Variants in SYN1 observed in about 807,000 individuals in gnomAD.
The protein encoded by SYN1 is synapsin I.
Under a neutral mutation model 44.6 loss-of-function variants are expected in SYN1, and 8 were observed. That is an observed-to-expected ratio of 0.18 (90% CI 0.11 to 0.32). The LOEUF (loss-of-function observed/expected upper bound fraction) is 0.32. Among genes scored for constraint, SYN1 ranks in the 10% least tolerant of loss-of-function variants. The pLI is 1.00. For missense variants in SYN1, 451 were observed against 639.4 expected, an observed-to-expected ratio of 0.71 and a Z score of 3.18; for synonymous variants, 275 against 280.1, an observed-to-expected ratio of 0.98 and a Z score of 0.18.
intron 5 of SYN1, chrX:47,585,800 G>C (rs2057822969): frequency 1.7e-6 from 2 of 1,155,920 alleles, no homozygotes; most frequent in Non-Finnish European, 2.3e-6. Flanking sequence ...GGCTGTCCCT[G>C]ATCTCTCTTG....
Position 47,619,756 on chromosome X carries a change from G to A in SYN1, c.-28C>T. The A allele has an allele frequency of 1.7e-6, 2 of 1,154,538 alleles. No homozygotes were observed. Among genetic ancestry groups the A allele is most frequent in the Non-Finnish European group, 2.3e-6 (2 of 865,038 alleles). On this transcript the variant is annotated 5_prime_UTR_variant, in exon 1 of 13. Transcript: ENST00000295987. ...CTGCGACTTGGGGCAGGGGGTCCTA[G>A]GGGTGGTCTGGCCAGGAGCCGCGGG...
intron 5 of SYN1, among the ~76,000 whole-genome samples, chrX:47,579,020 G>A (rs1442045668): frequency 1.8e-5 from 2 of 111,997 alleles, no homozygotes; most frequent in Non-Finnish European, 3.8e-5. Context: ...CCACCCAGGT[G>A]TGCGCACAGC....
At chrX:47,577,589 G>A (rs1330211963) in intron 5 of SYN1, 88 bp from the exon 6 acceptor site, 2 of 846,469 alleles carry the variant, frequency 2.4e-6, no homozygotes, top group African/African-American at 4.1e-5. Context: ...CCCAGCCAGT[G>A]GGAACTGCAT....
At chrX:47,605,888 T>C (rs1165894693) in intron 3 of SYN1, among the ~76,000 whole-genome samples, 2 of 110,305 alleles carry the variant, frequency 1.8e-5, no homozygotes, top group South Asian at 7.7e-4. Flanking sequence ...TAGTGCTATA[T>C]ATATATTTTT....
intron 5 of SYN1, among the ~76,000 whole-genome samples, chrX:47,578,829 C>A (rs1047810731): frequency 2.7e-5 from 3 of 111,382 alleles, no homozygotes; most frequent in African/African-American, 9.8e-5. Flanking sequence ...GCACAGGAAG[C>A]CCGCAGACTC....
chrX:47,579,849 G>GCCCCCCCCCCCC (rs140381513), intron 5 of SYN1, among the ~76,000 whole-genome samples: 54 of 83,150 alleles, frequency 6.5e-4, no homozygotes, highest in South Asian at 7.3e-4. Flanking sequence ...TGTTTTTGTC[G>GCCCCCCCCCCCC]CCCCCCCACC....
Position 47,574,546 on chromosome X carries a change from G to A in SYN1, c.1438C>T (p.Pro480Ser). The change falls in exon 12 of 13, where the codon CCA (proline) becomes TCA (serine). Residue 480 changes from proline to serine, a missense_variant. Physicochemically the swap from Pro to Ser is moderately conservative, Grantham distance 74 (BLOSUM62 -1). This residue lies in a region of SYN1 where 315 missense variants were observed against 451.4 expected (regional missense o/e 0.70). Transcript: ENST00000295987. The part of the protein sequence containing the change: ...PGPGPQRQGP[P>S]LQQRPPPQGQ... ...TGCGGGGGCGGGCGCTGCTGCAATG[G>A]GGGTCCCTGGCGCTGGGGGCCTGGA... 2 of 1,088,892 alleles carry A rather than the reference G, an allele frequency of 1.8e-6. No individual in the cohort carries two copies. The highest frequency in any genetic ancestry group is 2.4e-6 in the Non-Finnish European group (2 of 839,400). 89.7% of individuals were successfully genotyped at this position (1,088,892 alleles called of 1,213,427 possible).
chrX:47,590,458 C>T (rs896873040), intron 5 of SYN1, among the ~76,000 whole-genome samples: 3 of 112,021 alleles, frequency 2.7e-5, no homozygotes, highest in Non-Finnish European at 3.8e-5. Context: ...AACTTCAGCC[C>T]GTCACAGCAA....
chrX:47,608,305 G>GAAGA (rs1556860959), intron 1 of SYN1, among the ~76,000 whole-genome samples: 1 of 101,762 alleles, frequency 9.8e-6, no homozygotes, highest in Non-Finnish European at 2.0e-5. Context: ...AGGAAGGAAG[G>GAAGA]GGAAGGAAGG....
intron 5 of SYN1, among the ~76,000 whole-genome samples, chrX:47,597,598 GA>G (rs1038657727): frequency 1.8e-5 from 2 of 110,197 alleles, no homozygotes; most frequent in African/African-American, 3.3e-5. Context: ...AGAAAAGAGA[GA>G]AAAAAAGGTG....
intron 5 of SYN1, among the ~76,000 whole-genome samples, chrX:47,595,127 C>T (rs1351548951): frequency 8.9e-6 from 1 of 111,891 alleles, no homozygotes; most frequent in African/African-American, 3.2e-5. Flanking sequence ...GATAGCCGAA[C>T]ATGTGGGGTT....
chrX:47,574,118 C>A lies in SYN1; in HGVS notation c.1866G>T (p.Arg622=). ...GTCCAGCGGGGCCCGGGCCGCTGGG[C>A]CGAGGCTGCTGCGTGGTGGGTGGCC... The part of the protein sequence containing the change: ...RTGPPTTQQP[R]PSGPGPAGRP... The change falls in exon 12 of 13, where the codon CGG becomes CGT. Residue 622 remains arginine (R), a synonymous_variant. Transcript: ENST00000295987. 9.0e-7 allele frequency: 1 copy of A among 1,107,213 alleles called. No homozygotes were observed. The highest frequency in any genetic ancestry group is 3.0e-5 in the Admixed American group (1 of 33,397). The allele number at this position is 1,107,213 out of a possible 1,213,427, so 91.2% of individuals were successfully genotyped here.
At chrX:47,582,613 T>C (rs926620969) in intron 5 of SYN1, 6 of 359,491 alleles carry the variant, frequency 1.7e-5, no homozygotes, top group Non-Finnish European at 3.3e-5. Flanking sequence ...TGGGCTAGTC[T>C]AGGGGGAAGA....
At chrX:47,588,015 C>T (rs1298924363) in intron 5 of SYN1, among the ~76,000 whole-genome samples, 1 of 112,181 alleles carries the variant, frequency 8.9e-6, no homozygotes, top group Non-Finnish European at 1.9e-5. Context: ...GCACAGCCCC[C>T]TGGATCTTCT....
At chrX:47,616,179 C>A (rs939469209) in intron 1 of SYN1, among the ~76,000 whole-genome samples, 3 of 111,076 alleles carry the variant, frequency 2.7e-5, no homozygotes, top group African/African-American at 6.6e-5. Context: ...CTGAGCCTGG[C>A]GTACATACAT....
intron 5 of SYN1, among the ~76,000 whole-genome samples, chrX:47,588,310 C>G (rs1466826809): frequency 8.9e-6 from 1 of 112,891 alleles, no homozygotes; most frequent in Non-Finnish European, 1.9e-5. Context: ...TCAATGTTCC[C>G]TCAGCTGCCT....
chrX:47,609,574 C>T (rs2057911085), intron 1 of SYN1, among the ~76,000 whole-genome samples: 1 of 112,437 alleles, frequency 8.9e-6, no homozygotes, highest in Admixed American at 9.4e-5. Flanking sequence ...TTCCAGGGAA[C>T]CCAACCTAAA....
chrX:47,580,626 T>A (rs1249589490), intron 5 of SYN1, among the ~76,000 whole-genome samples: 8 of 98,990 alleles, frequency 8.1e-5, no homozygotes, highest in African/African-American at 3.1e-4. Flanking sequence ...ATCGAAACTC[T>A]GTCTAAAAAA....
At chrX:47,573,267 G>C (rs1340371605) in intron 12 of SYN1, among the ~76,000 whole-genome samples, 1 of 111,656 alleles carries the variant, frequency 9.0e-6, no homozygotes, top group African/African-American at 3.3e-5. Context: ...GTGAAGTGTG[G>C]GATTCGTGGC....
Sources: allele counts gnomAD v4.1 joint callset (sites outside exome capture counted in the v4.1 genomes callset), GRCh38; gene constraint gnomAD v4.1.1; regional missense constraint gnomAD v4.1.1; transcripts MANE v1.5; gene names NCBI Gene and HGNC (gene_info 2026-07-23, HGNC 2026-07-21).